GAB1: variants seen among roughly 807,000 people sequenced by gnomAD.
GAB1 encodes the protein GRB2-associated-binding protein 1.
A neutral mutation model predicts 66.5 loss-of-function variants in GAB1; 19 were observed. The ratio of observed to expected loss-of-function variants is 0.29; its 90% confidence interval spans 0.20 to 0.42. The LOEUF (loss-of-function observed/expected upper bound fraction) is 0.42, where lower values mean the gene tolerates loss of function less well. Ranked by LOEUF, GAB1 falls within the 10% of genes least tolerant of loss-of-function variation. GAB1 has a pLI of 1.00. For synonymous variants in GAB1, 294 were observed against 301.4 expected (o/e 0.98, Z 0.25); for missense variants, 732 against 858.5 (o/e 0.85, Z 1.84).
intron 1 of GAB1, among the ~76,000 whole-genome samples, chr4:143,371,376 A>G (rs1311781952): frequency 6.6e-5 from 10 of 151,952 alleles, no homozygotes; most frequent in Non-Finnish European, 1.5e-4. Flanking sequence ...CATATCCTTC[A>G]CCCACTTTTT....
chr4:143,431,486 C>G (rs1456539410), intron 2 of GAB1, among the ~76,000 whole-genome samples: 2 of 152,176 alleles, frequency 1.3e-5, no homozygotes, highest in Non-Finnish European at 2.9e-5. Flanking sequence ...GCTGAGTGCT[C>G]TTTAAGAAAA....
At chr4:143,360,100 A>G (rs759093171) in intron 1 of GAB1, among the ~76,000 whole-genome samples, 9 of 152,228 alleles carry the variant, frequency 5.9e-5, no homozygotes, top group Non-Finnish European at 1.2e-4. Flanking sequence ...ATAAAACTAT[A>G]TGGCCTTGTG....
chr4:143,352,937 A>G (rs958890485), intron 1 of GAB1, among the ~76,000 whole-genome samples: 1 of 152,248 alleles, frequency 6.6e-6, no homozygotes, highest in African/African-American at 2.4e-5. Context: ...ACATATTGAG[A>G]GGATTACAGA....
At chr4:143,421,699 T>TTTC (rs1733033117) in intron 2 of GAB1, among the ~76,000 whole-genome samples, 1 of 49,870 alleles carries the variant, frequency 2.0e-5, no homozygotes, top group African/African-American at 2.0e-4. Context: ...TTTTCTTTTC[T>TTTC]TTTTTTTTTT....
intron 1 of GAB1, among the ~76,000 whole-genome samples, chr4:143,383,604 CTATA>C (rs939791885): frequency 1.7e-4 from 26 of 152,086 alleles, no homozygotes; most frequent in Admixed American, 1.7e-3. Context: ...ATTTATATAG[CTATA>C]TATAGTTATT....
rs568812660 is a variant in GAB1 at position 143,414,882 on chromosome 4, C to T, written c.73-595C>T. Among the ~76,000 whole-genome samples, 6 of 152,234 alleles carry T rather than the reference C, an allele frequency of 3.9e-5. No homozygotes were observed. In the East Asian group the frequency reaches 1.2e-3, roughly 29 times the overall value. Reference sequence around the variant, plus strand: ...GCATTAAGTATTAATACATTCACAGCACCATTGCAACCATGGCCACCATCA... The same window carrying T: ...GCATTAAGTATTAATACATTCACAGTACCATTGCAACCATGGCCACCATCA... On this transcript the variant is annotated intron_variant, in intron 1 of 9. Transcript: ENST00000262994.
chr4:143,450,992 C>T (rs373003497), intron 6 of GAB1, among the ~76,000 whole-genome samples: 1 of 152,062 alleles, frequency 6.6e-6, no homozygotes, highest in Non-Finnish European at 1.5e-5. Flanking sequence ...GATTTAAGCA[C>T]CTATCAGTTA....
chr4:143,417,550 G>A (rs1732760017), intron 2 of GAB1: 3 of 285,532 alleles, frequency 1.1e-5, no homozygotes, highest in Non-Finnish European at 6.9e-6. Flanking sequence ...TGGAATTACA[G>A]GTGTGCACCA....
At chr4:143,444,588 C>G (rs773295738) in intron 6 of GAB1, among the ~76,000 whole-genome samples, 6 of 152,038 alleles carry the variant, frequency 3.9e-5, no homozygotes, top group Admixed American at 6.6e-5. Context: ...TTAACATGCA[C>G]TTTTTAAAAT....
chr4:143,378,773 A>G (rs573595405), intron 1 of GAB1, among the ~76,000 whole-genome samples: 19 of 151,946 alleles, frequency 1.3e-4, no homozygotes, highest in Admixed American at 1.2e-3. Flanking sequence ...CTCATACTCC[A>G]AGCCCTGGCC....
At chr4:143,395,986 T>G in intron 1 of GAB1, 1 of 453,026 alleles carries the variant, frequency 2.2e-6, no homozygotes, top group African/African-American at 2.0e-5. Context: ...GGCATATGGA[T>G]GAGGTGGGGA....
At chr4:143,426,738 GCTT>G (rs1733378414) in intron 2 of GAB1, among the ~76,000 whole-genome samples, 2 of 152,016 alleles carry the variant, frequency 1.3e-5, no homozygotes, top group African/African-American at 4.8e-5. Context: ...TATTATTCAG[GCTT>G]CATTATTAGG....
Position 143,397,618 on chromosome 4 carries a change from T to C in GAB1, c.73-17859T>C, listed in dbSNP as rs185793662. On this transcript the variant is annotated intron_variant, in intron 1 of 9. Transcript: ENST00000262994. ...TAGTGGTGATGTCATTACCTAAATA[T>C]AGTAAATTTTAAGAAAACAAATTAT... Among the ~76,000 whole-genome samples, 209 of 152,320 alleles carry C rather than the reference T, an allele frequency of 1.4e-3. 1 individual carries two copies. The highest frequency in any genetic ancestry group is 2.4e-3 in the Non-Finnish European group (165 of 68,030).
chr4:143,410,659 T>C (rs1732334567), intron 1 of GAB1, among the ~76,000 whole-genome samples: 2 of 152,244 alleles, frequency 1.3e-5, no homozygotes, highest in Non-Finnish European at 2.9e-5. Flanking sequence ...AAAACATCTC[T>C]CTTATGTCTG....
intron 2 of GAB1, among the ~76,000 whole-genome samples, chr4:143,430,194 T>C (rs1400805439): frequency 1.3e-5 from 2 of 152,208 alleles, no homozygotes; most frequent in Non-Finnish European, 2.9e-5. Context: ...AAACATCTTT[T>C]GAAGAGGATC....
At chr4:143,375,176 G>A (rs1161778536) in intron 1 of GAB1, among the ~76,000 whole-genome samples, 1 of 152,182 alleles carries the variant, frequency 6.6e-6, no homozygotes, top group Non-Finnish European at 1.5e-5. Context: ...TTGAACTCCT[G>A]AGCTCAGGCG....
intron 1 of GAB1, among the ~76,000 whole-genome samples, chr4:143,382,381 T>G (rs937320511): frequency 1.3e-5 from 2 of 152,226 alleles, no homozygotes; most frequent in Non-Finnish European, 2.9e-5. Flanking sequence ...GAGAAAGTAT[T>G]CATTGAAATA....
At chr4:143,416,546 G>T (rs1732702263) in intron 2 of GAB1, among the ~76,000 whole-genome samples, 2 of 152,182 alleles carry the variant, frequency 1.3e-5, no homozygotes, top group South Asian at 4.1e-4. Flanking sequence ...TGAGGCAGAT[G>T]GGTCACTTGA....
intron 1 of GAB1, among the ~76,000 whole-genome samples, chr4:143,353,876 A>G (rs1729332563): frequency 6.6e-6 from 1 of 152,088 alleles, no homozygotes; most frequent in African/African-American, 2.4e-5. Flanking sequence ...AATCCTTTTT[A>G]CTGTCTTTCA....
Sources: gnomAD v4.1 joint callset for allele counts (sites outside exome capture counted in the v4.1 genomes callset) on GRCh38, gnomAD v4.1.1 for gene constraint, MANE v1.5 for transcripts, NCBI Gene and HGNC (gene_info 2026-07-23, HGNC 2026-07-21) for gene names.